Variants in BBOX1 observed in about 807,000 individuals in gnomAD.
The protein encoded by BBOX1 is gamma-butyrobetaine hydroxylase 1.
Under a neutral mutation model 41.6 loss-of-function variants are expected in BBOX1, and 35 were observed. The observed-to-expected ratio is 0.84, with a 90% CI of 0.64 to 1.11. The LOEUF is 1.11. BBOX1 is among the 50% of genes most tolerant of loss of function. The pLI, the probability that BBOX1 is intolerant of heterozygous loss-of-function variation, is 0.00. For missense variants in BBOX1, 458 were observed against 460.6 expected, an observed-to-expected ratio of 0.99 and a Z score of 0.05; for synonymous variants, 163 against 154.7, an observed-to-expected ratio of 1.05 and a Z score of -0.40.
At chr11:27,103,850 T>TTTG (rs1307963496) in intron 5 of BBOX1, among the ~76,000 whole-genome samples, 1 of 152,140 alleles carries the variant, frequency 6.6e-6, no homozygotes, top group Non-Finnish European at 1.5e-5. Context: ...AAACCTTGAT[T>TTTG]TTGTTGTTGT....
intron 4 of BBOX1, among the ~76,000 whole-genome samples, chr11:27,069,438 C>T (rs574171388): frequency 1.3e-5 from 2 of 152,100 alleles, no homozygotes; most frequent in Non-Finnish European, 2.9e-5. Flanking sequence ...TGAGACTTCA[C>T]TGAATTTGCT....
In BBOX1 at chr11:27,057,206, C is replaced by G. The variant is rs1386655737; in HGVS notation, c.225C>G (p.Tyr75Ter). The G allele has an allele frequency of 6.3e-7, 1 of 1,596,604 alleles. No individual in the cohort carries two copies. The highest frequency in any genetic ancestry group is 2.2e-5 in the East Asian group (1 of 44,578). Reference protein sequence around the residue: ...KGLIFDRKKVYITWPDEHYSE... With the variant: ...KGLIFDRKKV The stretch of plus-strand genomic sequence containing the variant: ...TTTGCTTTTTGTGTTATAAGGTGTA[C>G]ATCACATGGCCCGATGAGCATTACA... Residue 75 changes from tyrosine (Y) to a stop codon, truncating the protein, a stop_gained, in exon 4 of 9, where the codon TAC becomes TAG. Coordinates refer to ENST00000263182, the MANE Select transcript of BBOX1 (RefSeq NM_003986.3). LOFTEE classifies it high-confidence loss of function.
chr11:27,091,408 C>T (rs1465746227), intron 4 of BBOX1, among the ~76,000 whole-genome samples: 1 of 151,872 alleles, frequency 6.6e-6, no homozygotes, highest in Non-Finnish European at 1.5e-5. Context: ...GATTGGGTAG[C>T]TCATATAATC....
intron 2 of BBOX1, among the ~76,000 whole-genome samples, chr11:27,043,614 C>A (rs1851408870): frequency 6.6e-6 from 1 of 152,108 alleles, no homozygotes; most frequent in African/African-American, 2.4e-5. Flanking sequence ...CCGCCACAGG[C>A]CCTGGTATGT....
rs142854220 is a variant in BBOX1, at chr11:27,049,149, T to C, written c.-38-6244T>C. ...CATAAGTTATTTGGGGGGGGGGAAC[T>C]TCTGTACTGTTTTCTATAATGACTA... is the stretch of plus-strand genomic sequence containing the variant. On this transcript the variant is annotated intron_variant, in intron 2 of 8. Transcript: ENST00000263182. Among the ~76,000 whole-genome samples the C allele has an allele frequency of 5.8e-3, 885 of 151,462 alleles. 10 individuals carry two copies. Among genetic ancestry groups the C allele is most frequent in the African/African-American group, 0.021 (851 of 41,248 alleles).
At chr11:27,120,340 C>G (rs1859419911) in intron 7 of BBOX1, among the ~76,000 whole-genome samples, 1 of 152,068 alleles carries the variant, frequency 6.6e-6, no homozygotes, top group Non-Finnish European at 1.5e-5. Flanking sequence ...CTTTTACTTC[C>G]CAATAAAGCT....
intron 4 of BBOX1, among the ~76,000 whole-genome samples, chr11:27,080,431 T>C (rs995387470): frequency 9.2e-5 from 14 of 152,112 alleles, no homozygotes; most frequent in Admixed American, 3.3e-4. Flanking sequence ...TATGTCATTA[T>C]TGGGCACTTT....
intron 5 of BBOX1, 134 bp from the exon 6 acceptor site, chr11:27,115,318 C>A: frequency 1.6e-6 from 1 of 643,700 alleles, no homozygotes; most frequent in Non-Finnish European, 2.5e-6. Context: ...TTCCTTGTCT[C>A]ACTCATAGTC....
intron 5 of BBOX1, among the ~76,000 whole-genome samples, chr11:27,114,197 G>T (rs553334653): frequency 1.5e-4 from 23 of 151,716 alleles, no homozygotes; most frequent in African/African-American, 4.6e-4. Flanking sequence ...TAATCACAGG[G>T]GTAAAAGACT....
At chr11:27,045,909 C>T (rs1044056776) in intron 2 of BBOX1, among the ~76,000 whole-genome samples, 1 of 152,084 alleles carries the variant, frequency 6.6e-6, no homozygotes, top group Non-Finnish European at 1.5e-5. Flanking sequence ...CCTCCAAAGC[C>T]TATGATTGAA....
chr11:27,076,223 C>G (rs1364868085), intron 4 of BBOX1, among the ~76,000 whole-genome samples: 1 of 152,174 alleles, frequency 6.6e-6, no homozygotes, highest in Non-Finnish European at 1.5e-5. Context: ...GTGATCTGTC[C>G]TCTAGTCTCC....
At chr11:27,079,232 G>T (rs1900061) in intron 4 of BBOX1, among the ~76,000 whole-genome samples, 150,081 of 152,264 alleles carry the variant, frequency 0.99, 74,003 homozygotes, top group East Asian at 1. Context: ...AAAATTTACC[G>T]ACCTGGTAGA....
chr11:27,097,043 A>T lies in BBOX1; in HGVS notation c.533+3677A>T, dbSNP rs576692431. On this transcript the variant is annotated intron_variant, in intron 5 of 8. Coordinates refer to ENST00000263182, the MANE Select transcript of BBOX1 (RefSeq NM_003986.3). ...CTTTACTCACTTGATAATGATGAAT[A>T]CTTTCCTAGGACAAAAGAATAAGAG... Among the ~76,000 whole-genome samples the T allele has an allele frequency of 1.5e-3, 234 of 152,154 alleles. 2 individuals carry two copies. Among genetic ancestry groups the T allele is most frequent in the Non-Finnish European group, 2.6e-3 (177 of 67,966 alleles).
intron 5 of BBOX1, among the ~76,000 whole-genome samples, chr11:27,114,105 G>C (rs1859175606): frequency 6.6e-6 from 1 of 151,876 alleles, no homozygotes; most frequent in East Asian, 1.9e-4. Flanking sequence ...TTTATAAACA[G>C]TAGCAATGAA....
intron 2 of BBOX1, among the ~76,000 whole-genome samples, chr11:27,054,866 G>A (rs1302000819): frequency 2.0e-5 from 3 of 152,132 alleles, no homozygotes; most frequent in Non-Finnish European, 4.4e-5. Flanking sequence ...AAGAAACAGT[G>A]CAATATTCTG....
chr11:27,106,418 A>T (rs184049255), intron 5 of BBOX1, among the ~76,000 whole-genome samples: 4 of 152,278 alleles, frequency 2.6e-5, no homozygotes, highest in African/African-American at 7.2e-5. Context: ...TGGAAAACAA[A>T]AAAAAGGTAG....
chr11:27,062,104 G>T (rs1937950306), intron 4 of BBOX1, among the ~76,000 whole-genome samples: 1 of 152,196 alleles, frequency 6.6e-6, no homozygotes, highest in African/African-American at 2.4e-5. Flanking sequence ...GCACTTTGGA[G>T]AATCAATCAG....
At chr11:27,060,465 A>G (rs1319927730) in intron 4 of BBOX1, among the ~76,000 whole-genome samples, 1 of 152,206 alleles carries the variant, frequency 6.6e-6, no homozygotes, top group Non-Finnish European at 1.5e-5. Flanking sequence ...GTATTTATTT[A>G]TAGCAATGCA....
At chr11:27,114,397 A>G (rs1438965426) in intron 5 of BBOX1, among the ~76,000 whole-genome samples, 1 of 151,888 alleles carries the variant, frequency 6.6e-6, no homozygotes, top group East Asian at 1.9e-4. Context: ...AAAAGCCAGT[A>G]TCAAATTTAT....
Sources: gnomAD v4.1 joint callset for allele counts (sites outside exome capture counted in the v4.1 genomes callset) on GRCh38, gnomAD v4.1.1 for gene constraint, MANE v1.5 for transcripts, NCBI Gene and HGNC (gene_info 2026-07-23, HGNC 2026-07-21) for gene names.